ARL15: variants seen among roughly 807,000 people sequenced by gnomAD.
ARL15 encodes ARF like GTPase 15.
ARL15 carries 19 observed loss-of-function variants against 25.2 expected under a neutral mutation model. The observed-to-expected ratio is 0.75, with a 90% CI of 0.53 to 1.10. The LOEUF is 1.10. Ranked by LOEUF, ARL15 falls within the 50% of genes least tolerant of loss-of-function variation. The probability of loss-of-function intolerance (pLI) is 0.00; values close to 1 mark genes in which losing one functional copy is unlikely to be tolerated. For missense variants in ARL15, 220 were observed against 246.0 expected (o/e 0.89, Z 0.71); for synonymous variants, 94 against 86.8 (o/e 1.08, Z -0.46).
chr5:53,918,212 G>T (rs1029577173), intron 4 of ARL15, among the ~76,000 whole-genome samples: 4 of 152,106 alleles, frequency 2.6e-5, no homozygotes, highest in Non-Finnish European at 4.4e-5. Context: ...TTTAGACAGG[G>T]TCTCACTCTG....
chr5:54,255,188 C>T (rs71622108), intron 1 of ARL15, among the ~76,000 whole-genome samples: 6,003 of 151,578 alleles, frequency 0.04, 154 homozygotes, highest in Non-Finnish European at 0.057. Flanking sequence ...AGAGAATGTT[C>T]CAAACTCTAC....
intron 4 of ARL15, among the ~76,000 whole-genome samples, chr5:53,977,781 A>G (rs1005721244): frequency 1.3e-5 from 2 of 152,180 alleles, no homozygotes; most frequent in Admixed American, 1.3e-4. Flanking sequence ...AGTCAGGAGA[A>G]TCTGGTGCTC....
intron 4 of ARL15, among the ~76,000 whole-genome samples, chr5:54,067,618 A>T (rs1055802125): frequency 6.6e-6 from 1 of 152,228 alleles, no homozygotes; most frequent in African/African-American, 2.4e-5. Flanking sequence ...ACATCATTTG[A>T]CCAGAGAAAA....
At chr5:53,994,005 C>T (rs995432016) in intron 4 of ARL15, among the ~76,000 whole-genome samples, 3 of 152,098 alleles carry the variant, frequency 2.0e-5, no homozygotes, top group Admixed American at 6.5e-5. Flanking sequence ...TAAGTTCATG[C>T]GTCCTAACCC....
At position 54,213,530 on chromosome 5, in the gene ARL15, T is replaced by A. The variant is rs555796283; in HGVS notation, c.49-41602A>T. ...TGAGGTTCCTTAAGAAACAGACTTT[T>A]CAAAAGGAATCCAAATGAATAACTC... On this transcript the variant is annotated intron_variant, in intron 1 of 4. Transcript: ENST00000504924. Among the ~76,000 whole-genome samples, 3 of 152,310 alleles carry A rather than the reference T, an allele frequency of 2.0e-5. No homozygotes were observed. In the South Asian group the frequency reaches 6.2e-4, roughly 32 times the overall value.
At chr5:54,111,212 G>A (rs548282946) in intron 4 of ARL15, among the ~76,000 whole-genome samples, 2 of 151,928 alleles carry the variant, frequency 1.3e-5, no homozygotes, top group Non-Finnish European at 2.9e-5. Context: ...AAAGTTTTGA[G>A]AAAAGTAAAT....
intron 4 of ARL15, among the ~76,000 whole-genome samples, chr5:53,890,102 T>C (rs1580052145): frequency 6.6e-6 from 1 of 152,202 alleles, no homozygotes; most frequent in Non-Finnish European, 1.5e-5. Context: ...CATGAGCTGC[T>C]GGGCCTGGCC....
At chr5:54,285,301 G>A (rs1758156593) in intron 1 of ARL15, 7 of 825,010 alleles carry the variant, frequency 8.5e-6, no homozygotes, top group African/African-American at 1.9e-5. Context: ...GCCTAAGACA[G>A]AAAAAGAATA....
At chr5:53,965,965 T>C (rs1199463894) in intron 4 of ARL15, among the ~76,000 whole-genome samples, 4 of 152,242 alleles carry the variant, frequency 2.6e-5, no homozygotes, top group African/African-American at 9.6e-5. Context: ...ATAGCTGTGA[T>C]ATTGTGAAAT....
chr5:53,964,657 G>A (rs1051466544), intron 4 of ARL15, among the ~76,000 whole-genome samples: 1 of 152,174 alleles, frequency 6.6e-6, no homozygotes, highest in East Asian at 1.9e-4. Context: ...ACCGCACCTG[G>A]CCTCTATACT....
At position 53,999,668 on chromosome 5, in the gene ARL15, T is replaced by G. The variant is rs1358613391; in HGVS notation, c.463-112955A>C. On this transcript the variant is annotated intron_variant, in intron 4 of 4. Transcript: ENST00000504924. Reference sequence around the variant, plus strand: ...TGGCTCACACCTGTAATCCCAGCACTTTGGGAGGCCAAGGTGGGCGGATCA... The same window carrying G: ...TGGCTCACACCTGTAATCCCAGCACGTTGGGAGGCCAAGGTGGGCGGATCA... Among the ~76,000 whole-genome samples, 9 of 152,158 alleles carry G rather than the reference T, an allele frequency of 5.9e-5. No homozygotes were observed. In the East Asian group the frequency reaches 1.7e-3, roughly 29 times the overall value.
At chr5:54,211,467 C>CTTTT (rs57554255) in intron 1 of ARL15, among the ~76,000 whole-genome samples, 1,977 of 119,546 alleles carry the variant, frequency 0.017, 71 homozygotes, top group Non-Finnish European at 0.023. Context: ...AAATGAAACA[C>CTTTT]TTTTTTTTTT....
intron 1 of ARL15, among the ~76,000 whole-genome samples, chr5:54,172,709 T>C (rs1360395233): frequency 6.6e-6 from 1 of 152,164 alleles, no homozygotes; most frequent in South Asian, 2.1e-4. Flanking sequence ...CATGGCAAAA[T>C]GTTAATGACT....
intron 3 of ARL15, among the ~76,000 whole-genome samples, chr5:54,125,661 T>C (rs1753228818): frequency 6.6e-6 from 1 of 152,210 alleles, no homozygotes; most frequent in Non-Finnish European, 1.5e-5. Context: ...TGAACATCTG[T>C]TTTCAATTAT....
chr5:54,033,957 G>A (rs1750086894), intron 4 of ARL15, among the ~76,000 whole-genome samples: 1 of 152,034 alleles, frequency 6.6e-6, no homozygotes, highest in Non-Finnish European at 1.5e-5. Context: ...GGGACTACAG[G>A]TGCCCGCCAC....
intron 3 of ARL15, among the ~76,000 whole-genome samples, chr5:54,138,145 T>C (rs527581063): frequency 1.3e-5 from 2 of 152,244 alleles, no homozygotes; most frequent in Admixed American, 1.3e-4. Context: ...TTATTATATT[T>C]AGGATTTTCT....
intron 1 of ARL15, among the ~76,000 whole-genome samples, chr5:54,222,817 A>G (rs988678091): frequency 6.6e-6 from 1 of 151,886 alleles, no homozygotes; most frequent in Non-Finnish European, 1.5e-5. Context: ...TTAAGGTATA[A>G]TACTTTTTAT....
At chr5:54,008,825 A>G (rs1390620364) in intron 4 of ARL15, among the ~76,000 whole-genome samples, 2 of 152,344 alleles carry the variant, frequency 1.3e-5, no homozygotes, top group East Asian at 3.9e-4. Flanking sequence ...AAATGTTAAT[A>G]CTTACGTTAA....
At chr5:54,018,942 A>G (rs1234369061) in intron 4 of ARL15, among the ~76,000 whole-genome samples, 2 of 152,194 alleles carry the variant, frequency 1.3e-5, no homozygotes, top group African/African-American at 2.4e-5. Context: ...GCACAATTTA[A>G]GATAATGCAT....
Sources: allele counts gnomAD v4.1 joint callset (sites outside exome capture counted in the v4.1 genomes callset), GRCh38; gene constraint gnomAD v4.1.1; transcripts MANE v1.5; gene names NCBI Gene and HGNC (gene_info 2026-07-23, HGNC 2026-07-21).